Variants in MKLN1 observed in about 807,000 individuals in gnomAD.
MKLN1 encodes the protein muskelin.
MKLN1 carries 18 observed loss-of-function variants against 99.0 expected under a neutral mutation model. The ratio of observed to expected loss-of-function variants is 0.18; its 90% CI spans 0.13 to 0.27. The LOEUF (loss-of-function observed/expected upper bound fraction) is 0.27, where lower values mean the gene tolerates loss of function less well. MKLN1 is among the 10% of genes least tolerant of loss of function. MKLN1 has a pLI of 1.00. For synonymous variants in MKLN1, 288 were observed against 293.2 expected, an observed-to-expected ratio of 0.98 and a Z score of 0.18; for missense variants, 621 against 875.9, an observed-to-expected ratio of 0.71 and a Z score of 3.67.
chr7:131,139,444 T>A (rs1795699480), intron 1 of MKLN1, among the ~76,000 whole-genome samples: 2 of 152,104 alleles, frequency 1.3e-5, no homozygotes, highest in South Asian at 4.1e-4. Context: ...GCAGTTATAG[T>A]CATCTGCTTT....
intron 3 of MKLN1, among the ~76,000 whole-genome samples, chr7:131,258,567 G>A (rs558300613): frequency 1.3e-5 from 2 of 152,260 alleles, no homozygotes; most frequent in Admixed American, 6.5e-5. Context: ...AAGAAACTGC[G>A]GAATTATTAA....
intron 2 of MKLN1, among the ~76,000 whole-genome samples, chr7:131,150,376 A>G (rs1233023247): frequency 6.6e-6 from 1 of 152,148 alleles, no homozygotes; most frequent in Non-Finnish European, 1.5e-5. Flanking sequence ...AGTCCCAGCT[A>G]CTAAGGAGGC....
At chr7:131,445,750 C>CTTTTT (rs748046772) in intron 11 of MKLN1, 24 bp from the exon 12 acceptor site, 2 of 1,221,118 alleles carry the variant, frequency 1.6e-6, no homozygotes, top group Non-Finnish European at 1.1e-6. Flanking sequence ...TTACTCCTTT[C>CTTTTT]TTTTTTTTTT....
chr7:131,385,542 A>G (rs1793987723), intron 2 of MKLN1, among the ~76,000 whole-genome samples: 1 of 151,916 alleles, frequency 6.6e-6, no homozygotes, highest in Non-Finnish European at 1.5e-5. Flanking sequence ...TGCATTTTAA[A>G]ATTATTATTA....
chr7:131,191,276 G>A (rs1334755797), intron 2 of MKLN1, among the ~76,000 whole-genome samples: 4 of 152,356 alleles, frequency 2.6e-5, no homozygotes, highest in African/African-American at 9.6e-5. Context: ...GCAGTTGCCA[G>A]AAGGCTGCTT....
chr7:131,339,267 A>G (rs1799337235), intron 1 of MKLN1, among the ~76,000 whole-genome samples: 1 of 152,188 alleles, frequency 6.6e-6, no homozygotes, highest in African/African-American at 2.4e-5. Flanking sequence ...CAGTTGTTTT[A>G]TTCTTGTTCT....
rs941548665 is a variant in MKLN1 at position 131,269,520 on chromosome 7, G to C, written c.-179+66546G>C. On this transcript the variant is annotated intron_variant, in intron 3 of 7. Transcript: ENST00000416992. Reference sequence around the variant, plus strand: ...CCACTGCATAATTTCATCACCTTAGGGGTTAAGTTTTAACATATAAATGTG... The same window carrying C: ...CCACTGCATAATTTCATCACCTTAGCGGTTAAGTTTTAACATATAAATGTG... Among the ~76,000 whole-genome samples, 9 of 152,054 alleles carry C rather than the reference G, an allele frequency of 5.9e-5. No individual in the cohort carries two copies. The East Asian group carries it at 1.7e-3, about 29-fold the overall frequency.
chr7:131,165,335 G>A (rs1468115763), intron 2 of MKLN1, among the ~76,000 whole-genome samples: 2 of 152,108 alleles, frequency 1.3e-5, no homozygotes, highest in East Asian at 3.9e-4. Flanking sequence ...ACAGGCACGC[G>A]ATACCATGCC....
intron 12 of MKLN1, among the ~76,000 whole-genome samples, chr7:131,458,920 C>A (rs1437142310): frequency 3.3e-5 from 5 of 152,148 alleles, no homozygotes; most frequent in Non-Finnish European, 7.3e-5. Context: ...TTTTCCTCAA[C>A]CCTTTTAAGA....
At chr7:131,287,299 A>C (rs1002771142) in intron 3 of MKLN1, among the ~76,000 whole-genome samples, 2 of 152,260 alleles carry the variant, frequency 1.3e-5, no homozygotes, top group Non-Finnish European at 2.9e-5. Flanking sequence ...TTAAAACAAC[A>C]GAATTTTATT....
At chr7:131,188,338 C>T (rs752960611) in intron 2 of MKLN1, among the ~76,000 whole-genome samples, 2 of 152,226 alleles carry the variant, frequency 1.3e-5, no homozygotes, top group Non-Finnish European at 2.9e-5. Context: ...CTACCATTTA[C>T]TATTTCTCGA....
At chr7:131,199,736 C>T (rs1362311773) in intron 2 of MKLN1, among the ~76,000 whole-genome samples, 5 of 152,216 alleles carry the variant, frequency 3.3e-5, no homozygotes, top group African/African-American at 7.2e-5. Flanking sequence ...CTCTATCACC[C>T]AGGCTGGAGT....
chr7:131,165,012 G>A (rs550021200), intron 2 of MKLN1, among the ~76,000 whole-genome samples: 2 of 152,238 alleles, frequency 1.3e-5, no homozygotes, highest in Non-Finnish European at 2.9e-5. Context: ...GTATAATGTG[G>A]TACAGAATGT....
intron 3 of MKLN1, among the ~76,000 whole-genome samples, chr7:131,204,650 T>C (rs1255768268): frequency 6.7e-6 from 1 of 148,150 alleles, no homozygotes; most frequent in African/African-American, 2.5e-5. Context: ...GCCAACATGG[T>C]GGAACCCCGT....
chr7:131,346,881 GA>G (rs1322359727), intron 1 of MKLN1, among the ~76,000 whole-genome samples: 3 of 152,134 alleles, frequency 2.0e-5, no homozygotes, highest in Non-Finnish European at 2.9e-5. Flanking sequence ...TGCATAGATA[GA>G]AAAAAGACTT....
intron 1 of MKLN1, among the ~76,000 whole-genome samples, chr7:131,116,721 G>A (rs1661203223): frequency 6.6e-6 from 1 of 151,772 alleles, no homozygotes; most frequent in African/African-American, 2.4e-5. Context: ...TTGGGTAAAG[G>A]GTATGACAAA....
At position 131,441,238 on chromosome 7, in the gene MKLN1, G is replaced by A. The variant is rs549079424; in HGVS notation, c.1174-2243G>A. Among the ~76,000 whole-genome samples the A allele has an allele frequency of 1.4e-3, 211 of 152,278 alleles. 1 individual carries two copies. The highest frequency in any genetic ancestry group is 1.6e-3 in the Non-Finnish European group (111 of 68,016). ...GGTCATGAGGCATTTTTGGAGGTTTGTAGAAGGGAGGGTGGTAGGTTGGAC... is the reference window on the plus strand; with the variant it reads ...GGTCATGAGGCATTTTTGGAGGTTTATAGAAGGGAGGGTGGTAGGTTGGAC... On this transcript the variant is annotated intron_variant, in intron 10 of 17. Transcript: ENST00000352689.
intron 2 of MKLN1, among the ~76,000 whole-genome samples, chr7:131,179,556 C>T (rs1029718742): frequency 2.0e-5 from 3 of 150,352 alleles, no homozygotes; most frequent in African/African-American, 7.3e-5. Flanking sequence ...TTAAAAGAGA[C>T]ATTATTATTA....
At chr7:131,361,274 A>T (rs996548186) in intron 1 of MKLN1, among the ~76,000 whole-genome samples, 2 of 151,828 alleles carry the variant, frequency 1.3e-5, no homozygotes, top group African/African-American at 4.8e-5. Context: ...TGCATCTGTT[A>T]TAGCTTTTTT....
Sources: gnomAD v4.1 joint callset for allele counts (sites outside exome capture counted in the v4.1 genomes callset) on GRCh38, gnomAD v4.1.1 for gene constraint, MANE v1.5 for transcripts, NCBI Gene and HGNC (gene_info 2026-07-23, HGNC 2026-07-21) for gene names.